SLAIN1: variants seen among roughly 807,000 people sequenced by gnomAD.
SLAIN1 encodes SLAIN motif-containing protein 1.
SLAIN1 carries 17 observed loss-of-function variants against 55.4 expected under a neutral mutation model. The ratio of observed to expected loss-of-function variants is 0.31; its 90% CI spans 0.21 to 0.46. SLAIN1 has a LOEUF of 0.46. Among genes scored for constraint, SLAIN1 ranks in the 20% least tolerant of loss-of-function variants. The pLI, the probability that SLAIN1 is intolerant of heterozygous loss-of-function variation, is 1.00. For missense variants in SLAIN1, 682 were observed against 785.1 expected, an observed-to-expected ratio of 0.87 and a Z score of 1.57; for synonymous variants, 348 against 337.4, an observed-to-expected ratio of 1.03 and a Z score of -0.35.
At chr13:77,748,481 T>G (rs1034862802) in intron 4 of SLAIN1, among the ~76,000 whole-genome samples, 1 of 147,972 alleles carries the variant, frequency 6.8e-6, no homozygotes, top group Non-Finnish European at 1.5e-5. Context: ...TAGCTCTGCA[T>G]CTTGATTGAT....
At position 77,763,123 on chromosome 13, in the gene SLAIN1, T is replaced by C. The variant is rs1020709123; in HGVS notation, c.1698-22T>C. 5 of 1,599,576 alleles carry C rather than the reference T, an allele frequency of 3.1e-6. No homozygotes were observed. In the African/African-American group the frequency reaches 4.0e-5, roughly 13 times the overall value. Reference sequence around the variant, plus strand: ...TAGGATTATTAACAATCTCTCTCTCTGTTTTTCTTGTCTCTTTTTAGTTTT... The same window carrying C: ...TAGGATTATTAACAATCTCTCTCTCCGTTTTTCTTGTCTCTTTTTAGTTTT... On this transcript the variant is annotated intron_variant, in intron 6 of 6. Transcript: ENST00000418532.
intron 2 of SLAIN1, among the ~76,000 whole-genome samples, chr13:77,740,760 GTTCTTTTTGTTTGTTTTATTCTTTAT>G (rs1873385671): frequency 1.3e-5 from 2 of 151,830 alleles, no homozygotes; most frequent in African/African-American, 4.8e-5. Context: ...TTTTTTACAA[GTTCTTTTTGTTTGTTTTATTCTTTAT>G]AAAAGTGCTT....
At chr13:77,737,140 T>C (rs183777974) in intron 2 of SLAIN1, among the ~76,000 whole-genome samples, 2 of 152,176 alleles carry the variant, frequency 1.3e-5, no homozygotes, top group East Asian at 3.9e-4. Context: ...CCATGTGCGA[T>C]GGCATCAGTG....
At position 77,719,580 on chromosome 13, in the gene SLAIN1, G is replaced by T; in HGVS notation, c.675G>T (p.Leu225=). 1.2e-6 allele frequency: 2 copies of T among 1,613,338 alleles called. No individual in the cohort carries two copies. The highest frequency in any genetic ancestry group is 1.7e-6 in the Non-Finnish European group (2 of 1,179,534). The change falls in exon 2 of 7, where the codon CTG becomes CTT. Residue 225 remains leucine, a synonymous_variant. Coordinates refer to ENST00000418532, the MANE Select transcript of SLAIN1 (RefSeq NM_001242868.2). The part of the protein sequence containing the change: ...SKTFTSSEKS[L]TPLQWCRHVL... ...CGTTCACCTCATCAGAGAAATCCCT[G>T]ACTCCTTTGCAGTGGTGTAGACATG...
rs1555278586 is a variant in SLAIN1, at chr13:77,738,221, T to TATATAC, written c.767-6061_767-6060insTATACA. On this transcript the variant is annotated intron_variant, in intron 2 of 6. Coordinates refer to ENST00000418532, the MANE Select transcript of SLAIN1 (RefSeq NM_001242868.2). The stretch of plus-strand genomic sequence containing the variant: ...CCACACACACACACACATATACACA[T>TATATAC]ACATATATACATATACATATATATA... 2.0e-5 allele frequency among the ~76,000 whole-genome samples: 3 copies of TATATAC among 150,372 alleles called. 1 individual carries two copies. Among genetic ancestry groups the TATATAC allele is most frequent in the South Asian group, 4.2e-4 (2 of 4,766 alleles).
rs370865857 is a variant in SLAIN1, at chr13:77,763,227, T to C, written c.*7T>C. 2 of 1,611,014 alleles carry C rather than the reference T, an allele frequency of 1.2e-6. No individual in the cohort carries two copies. On this transcript the variant is annotated 3_prime_UTR_variant, in exon 7 of 7. Coordinates refer to ENST00000418532, the MANE Select transcript of SLAIN1 (RefSeq NM_001242868.2). ...GAGAGATGGTTGCTACTAATGCAGT[T>C]TTATGTACCCTTGAAAAATGGGAAA...
Position 77,697,905 on chromosome 13 carries a change from G to T in SLAIN1, c.-9G>T. On this transcript the variant is annotated 5_prime_UTR_variant, in exon 1 of 7. Transcript: ENST00000418532. ...CTCCCCGGCGGCCGCGGCGCCCTCG[G>T]GGCCCACGATGATGGCGGAGCAGGT... 1 of 1,379,094 alleles carries T rather than the reference G, an allele frequency of 7.3e-7. No homozygotes were observed. Among genetic ancestry groups the T allele is most frequent in the Non-Finnish European group, 9.5e-7 (1 of 1,057,446 alleles). 85.4% of individuals were successfully genotyped at this position (1,379,094 alleles called of 1,614,324 possible).
chr13:77,708,632 G>T (rs1426880718), intron 1 of SLAIN1, among the ~76,000 whole-genome samples: 1 of 152,146 alleles, frequency 6.6e-6, no homozygotes, highest in African/African-American at 2.4e-5. Flanking sequence ...GTCTGGAGTG[G>T]ACCTCAGGAA....
At chr13:77,759,426 T>C (rs1874841722) in intron 5 of SLAIN1, among the ~76,000 whole-genome samples, 1 of 152,174 alleles carries the variant, frequency 6.6e-6, no homozygotes, top group South Asian at 2.1e-4. Context: ...CCTTTATTTC[T>C]TTCTCTTCTA....
chr13:77,743,005 T>C lies in SLAIN1; in HGVS notation c.767-1278T>C. 4 of 1,286,474 alleles carry C rather than the reference T, an allele frequency of 3.1e-6. No individual in the cohort carries two copies. In the Middle Eastern group the frequency reaches 6.5e-4, roughly 208 times the overall value. The allele number at this position is 1,286,474 out of a possible 1,614,324, so 79.7% of individuals were successfully genotyped here. ...ATAGCTAACTGCTGCTATTTTCTGC[T>C]TCTGTGACAGCTAGCCGATGGCGGA... On this transcript the variant is annotated intron_variant, in intron 2 of 6. Coordinates refer to ENST00000418532, the MANE Select transcript of SLAIN1 (RefSeq NM_001242868.2).
chr13:77,711,216 G>C (rs2091146914), intron 1 of SLAIN1, among the ~76,000 whole-genome samples: 1 of 151,774 alleles, frequency 6.6e-6, no homozygotes, highest in African/African-American at 2.4e-5. Context: ...CAGACAACAA[G>C]AAATAACTAA....
intron 5 of SLAIN1, among the ~76,000 whole-genome samples, chr13:77,759,588 C>T (rs760242551): frequency 5.9e-5 from 9 of 152,178 alleles, no homozygotes; most frequent in African/African-American, 1.4e-4. Flanking sequence ...TGTCATATAT[C>T]GCTTTTATTA....
chr13:77,756,172 T>A (rs1320369177), intron 5 of SLAIN1, among the ~76,000 whole-genome samples: 2 of 152,196 alleles, frequency 1.3e-5, no homozygotes, highest in Non-Finnish European at 2.9e-5. Flanking sequence ...ATGTGTTTTT[T>A]TTTAAATCAA....
chr13:77,724,534 G>A (rs1159581003), intron 2 of SLAIN1, among the ~76,000 whole-genome samples: 1 of 152,090 alleles, frequency 6.6e-6, no homozygotes, highest in Non-Finnish European at 1.5e-5. Context: ...GGTTTTATAA[G>A]AGAATAGGGA....
chr13:77,738,855 A>C (rs1201868916), intron 2 of SLAIN1, among the ~76,000 whole-genome samples: 2 of 152,122 alleles, frequency 1.3e-5, no homozygotes, highest in African/African-American at 2.4e-5. Context: ...CGGCCCAAAC[A>C]GAATTGCAGC....
intron 5 of SLAIN1, among the ~76,000 whole-genome samples, chr13:77,754,970 A>G (rs191357814): frequency 1.5e-3 from 235 of 152,356 alleles, no homozygotes; most frequent in African/African-American, 5.2e-3. Flanking sequence ...ACACATAAAC[A>G]ACCTATGAAA....
At chr13:77,763,033 G>A in intron 6 of SLAIN1, 112 bp from the exon 7 acceptor site, 1 of 825,032 alleles carries the variant, frequency 1.2e-6, no homozygotes, top group South Asian at 1.6e-5. Context: ...GGTGCCAGTG[G>A]CTTCTCATTA....
At chr13:77,739,178 C>T (rs1873284032) in intron 2 of SLAIN1, among the ~76,000 whole-genome samples, 1 of 151,670 alleles carries the variant, frequency 6.6e-6, no homozygotes, top group African/African-American at 2.4e-5. Flanking sequence ...AAGTGCTTCT[C>T]CAGGTATATT....
chr13:77,712,110 T>G (rs1215235104), intron 1 of SLAIN1, among the ~76,000 whole-genome samples: 1 of 152,186 alleles, frequency 6.6e-6, no homozygotes, highest in Non-Finnish European at 1.5e-5. Flanking sequence ...ACAGCCAGTA[T>G]CATACTGAAT....
Sources: allele counts gnomAD v4.1 joint callset (sites outside exome capture counted in the v4.1 genomes callset), GRCh38; gene constraint gnomAD v4.1.1; transcripts MANE v1.5; gene names NCBI Gene and HGNC (gene_info 2026-07-23, HGNC 2026-07-21).